Variants in ADAMTSL3 observed in about 807,000 individuals in gnomAD.
ADAMTSL3 encodes the protein ADAMTS-like protein 3.
In ADAMTSL3, 128 loss-of-function variants were observed where a neutral mutation model predicts 201.7. That is an observed-to-expected ratio of 0.63 (90% CI 0.55 to 0.73). The LOEUF (loss-of-function observed/expected upper bound fraction) is 0.73, where lower values mean the gene tolerates loss of function less well. Among genes scored for constraint, ADAMTSL3 ranks in the 30% least tolerant of loss-of-function variants. The probability of loss-of-function intolerance (pLI) is 0.00; values close to 1 mark genes in which losing one functional copy is unlikely to be tolerated. For synonymous variants in ADAMTSL3, 738 were observed against 748.4 expected, an observed-to-expected ratio of 0.99 and a Z score of 0.23; for missense variants, 1,990 against 2,119.6, an observed-to-expected ratio of 0.94 and a Z score of 1.20.
chr15:83,920,552 TAC>T (rs1257862850), intron 16 of ADAMTSL3, among the ~76,000 whole-genome samples: 9 of 152,248 alleles, frequency 5.9e-5, no homozygotes, highest in African/African-American at 2.2e-4. Flanking sequence ...TTTACAGTAG[TAC>T]CCCTTCAGTC....
chr15:83,742,936 C>T (rs1486953463), intron 3 of ADAMTSL3, among the ~76,000 whole-genome samples: 2 of 152,194 alleles, frequency 1.3e-5, no homozygotes, highest in African/African-American at 2.4e-5. Flanking sequence ...TATTTTCTCT[C>T]TCATTGTTTT....
intron 17 of ADAMTSL3, among the ~76,000 whole-genome samples, chr15:83,929,880 C>T (rs949402365): frequency 1.3e-5 from 2 of 152,112 alleles, no homozygotes; most frequent in African/African-American, 4.8e-5. Flanking sequence ...CTCATTCATG[C>T]CATTTGGACC....
chr15:83,743,312 G>A (rs528602947), intron 3 of ADAMTSL3, among the ~76,000 whole-genome samples: 196 of 152,064 alleles, frequency 1.3e-3, no homozygotes, highest in African/African-American at 4.6e-3. Flanking sequence ...AGGAGATCGA[G>A]ACCATCCTGG....
chr15:83,889,174 T>G (rs968845872), intron 10 of ADAMTSL3, among the ~76,000 whole-genome samples: 1 of 152,188 alleles, frequency 6.6e-6, no homozygotes, highest in Non-Finnish European at 1.5e-5. Flanking sequence ...AAATTAGATT[T>G]AATAGAATCA....
chr15:83,733,324 C>T (rs563043610), intron 3 of ADAMTSL3, among the ~76,000 whole-genome samples: 17 of 152,234 alleles, frequency 1.1e-4, no homozygotes, highest in African/African-American at 2.4e-4. Context: ...GTGATACTAT[C>T]GTAGAGGTGT....
intron 3 of ADAMTSL3, among the ~76,000 whole-genome samples, chr15:83,763,336 G>C (rs186378423): frequency 1.4e-4 from 21 of 152,090 alleles, no homozygotes; most frequent in African/African-American, 5.1e-4. Context: ...AAATCGGATG[G>C]CCACACTCAG....
At chr15:83,955,407 G>GGGTAGTA (rs1460915446) in intron 19 of ADAMTSL3, among the ~76,000 whole-genome samples, 1 of 152,114 alleles carries the variant, frequency 6.6e-6, no homozygotes, top group African/African-American at 2.4e-5. Flanking sequence ...TCACCCTTCA[G>GGGTAGTA]GGTAGTAGGC....
chr15:83,677,277 G>A (rs887581085), intron 2 of ADAMTSL3, among the ~76,000 whole-genome samples: 2 of 152,082 alleles, frequency 1.3e-5, no homozygotes, highest in Non-Finnish European at 2.9e-5. Flanking sequence ...TTCTTTAGAT[G>A]TCAATTAGAT....
chr15:84,007,500 T>A (rs1288021775), intron 23 of ADAMTSL3, among the ~76,000 whole-genome samples: 1 of 152,116 alleles, frequency 6.6e-6, no homozygotes, highest in Non-Finnish European at 1.5e-5. Context: ...AGCTTCCGTA[T>A]GCTATGATCA....
intron 8 of ADAMTSL3, among the ~76,000 whole-genome samples, chr15:83,868,677 A>C (rs895528120): frequency 2.6e-5 from 4 of 152,208 alleles, no homozygotes; most frequent in Admixed American, 1.3e-4. Flanking sequence ...GAGAACTGGA[A>C]GCCTTTTGAA....
rs143409686 is a variant in ADAMTSL3, at chr15:83,658,229, C to T, written c.69+2399C>T. Among the ~76,000 whole-genome samples, 620 of 152,272 alleles carry T rather than the reference C, an allele frequency of 4.1e-3. 6 individuals are homozygous for T. The highest frequency in any genetic ancestry group is 0.014 in the African/African-American group (602 of 41,546). On this transcript the variant is annotated intron_variant, in intron 2 of 29. Coordinates refer to ENST00000286744, the MANE Select transcript of ADAMTSL3 (RefSeq NM_207517.3). ...GGTTCAAGCAATTCTCGTGTCTCAG[C>T]CTCTGAGTAGCTGGGACTACAGGCG...
chr15:84,032,889 T>A (rs2068434454), intron 28 of ADAMTSL3, among the ~76,000 whole-genome samples: 1 of 152,204 alleles, frequency 6.6e-6, no homozygotes. Context: ...GTAGGAATGC[T>A]CATTTTGATG....
chr15:83,891,158 CAACT>C, intron 11 of ADAMTSL3, 167 bp from the exon 12 acceptor site: 1 of 547,806 alleles, frequency 1.8e-6, no homozygotes, highest in Non-Finnish European at 3.2e-6. Context: ...ATATTCTTGA[CAACT>C]AAAGAGATGG....
At chr15:84,031,455 G>C (rs534668998) in intron 28 of ADAMTSL3, 23 bp downstream of exon 28, 59 of 1,601,448 alleles carry the variant, frequency 3.7e-5, no homozygotes, top group Non-Finnish European at 3.4e-6. Context: ...CCCCAGAGCA[G>C]CACACATTCT....
At chr15:83,822,497 C>T (rs1214229879) in intron 6 of ADAMTSL3, among the ~76,000 whole-genome samples, 4 of 140,582 alleles carry the variant, frequency 2.8e-5, no homozygotes, top group African/African-American at 1.2e-4. Context: ...CGGGCAGAGA[C>T]GCTCCTCACC....
At chr15:83,696,034 C>T (rs551476664) in intron 2 of ADAMTSL3, among the ~76,000 whole-genome samples, 81 of 152,224 alleles carry the variant, frequency 5.3e-4, no homozygotes, top group African/African-American at 1.8e-3. Context: ...CCATCCAGGC[C>T]AGGGGGAATA....
intron 6 of ADAMTSL3, among the ~76,000 whole-genome samples, chr15:83,822,290 C>T (rs376053617): frequency 0.017 from 2,000 of 115,582 alleles, 32 homozygotes; most frequent in Middle Eastern, 0.037. Flanking sequence ...GGGCGGCTGC[C>T]GGGCGGAGGG....
At chr15:83,820,648 T>G in intron 6 of ADAMTSL3, among the ~76,000 whole-genome samples, 1 of 152,234 alleles carries the variant, frequency 6.6e-6, no homozygotes, top group Non-Finnish European at 1.5e-5. Context: ...GTTTTGGATC[T>G]TTGGGCACAA....
At chr15:84,037,205 G>A (rs942034141) in intron 29 of ADAMTSL3, among the ~76,000 whole-genome samples, 3 of 152,166 alleles carry the variant, frequency 2.0e-5, no homozygotes, top group African/African-American at 7.2e-5. Flanking sequence ...AGTTGGATTA[G>A]TAGCATGCCA....
Sources: allele counts gnomAD v4.1 joint callset (sites outside exome capture counted in the v4.1 genomes callset), GRCh38; gene constraint gnomAD v4.1.1; transcripts MANE v1.5; gene names NCBI Gene and HGNC (gene_info 2026-07-23, HGNC 2026-07-21).